The following ALDH9A1 variants were observed in gnomAD, a reference collection of about 807,000 sequenced individuals.
ALDH9A1 encodes the protein 4-trimethylaminobutyraldehyde dehydrogenase.
Under a neutral mutation model 56.6 loss-of-function variants are expected in ALDH9A1, and 42 were observed. That is an observed-to-expected ratio of 0.74 (90% confidence interval 0.58 to 0.96). The LOEUF is 0.96. Ranked by LOEUF, ALDH9A1 falls within the 40% of genes least tolerant of loss-of-function variation. The pLI, the probability that ALDH9A1 is intolerant of heterozygous loss-of-function variation, is 0.00. For synonymous variants in ALDH9A1, 242 were observed against 236.0 expected (o/e 1.03, Z -0.23); for missense variants, 661 against 651.5 (o/e 1.01, Z -0.16).
intron 6 of ALDH9A1, among the ~76,000 whole-genome samples, chr1:165,678,670 A>G (rs924955500): frequency 2.0e-5 from 3 of 152,244 alleles, no homozygotes; most frequent in Non-Finnish European, 2.9e-5. Flanking sequence ...TTAACCACAA[A>G]GTAAAAAACA....
At chr1:165,681,635 T>G (rs1025449601) in intron 4 of ALDH9A1, among the ~76,000 whole-genome samples, 25 of 152,226 alleles carry the variant, frequency 1.6e-4, no homozygotes, top group African/African-American at 6.0e-4. Context: ...AACTATTTTA[T>G]GTCAATCAGC....
chr1:165,696,618 C>T (rs372409443), intron 1 of ALDH9A1, among the ~76,000 whole-genome samples: 1 of 152,134 alleles, frequency 6.6e-6, no homozygotes, highest in East Asian at 1.9e-4. Flanking sequence ...TATTCCCTCT[C>T]CCTATTCTGG....
intron 8 of ALDH9A1, among the ~76,000 whole-genome samples, chr1:165,668,281 C>A (rs761349839): frequency 1.3e-5 from 2 of 152,264 alleles, no homozygotes; most frequent in South Asian, 4.1e-4. Flanking sequence ...GTTTGGGTCA[C>A]GGGGCAAATC....
chr1:165,683,114 T>A lies in ALDH9A1; in HGVS notation c.328-4A>T, dbSNP rs759598521. ...TAGCAATTTCATCCTCCCGTTCCTTTGGGTAAAGCAGAAGACTAGATTTAA... is the reference window on the plus strand; with the variant it reads ...TAGCAATTTCATCCTCCCGTTCCTTAGGGTAAAGCAGAAGACTAGATTTAA... On this transcript the variant is annotated splice_polypyrimidine_tract_variant and splice_region_variant and intron_variant, in intron 2 of 10. Transcript: ENST00000354775. 1 of 1,613,706 alleles carries A rather than the reference T, an allele frequency of 6.2e-7. No individual in the cohort carries two copies. The highest frequency in any genetic ancestry group is 1.1e-5 in the South Asian group (1 of 91,064).
chr1:165,693,885 A>C (rs1242583661), intron 2 of ALDH9A1, among the ~76,000 whole-genome samples: 1 of 152,208 alleles, frequency 6.6e-6, no homozygotes. Flanking sequence ...CTATGCAGCC[A>C]TTAAAAAGGA....
chr1:165,698,340 C>T lies in ALDH9A1; in HGVS notation c.181+38G>A, dbSNP rs1371737983. 5 of 1,564,922 alleles carry T rather than the reference C, an allele frequency of 3.2e-6. No individual in the cohort carries two copies. The African/African-American group carries it at 5.6e-5, about 17-fold the overall frequency. ...TGGCCGGGAAATCCGCGCATCCGGC[C>T]CCAGGGCGCCCCAGCCTCCCCGGCT... On this transcript the variant is annotated intron_variant, in intron 1 of 10. Coordinates refer to ENST00000354775, the MANE Select transcript of ALDH9A1 (RefSeq NM_000696.4).
intron 1 of ALDH9A1, 56 bp downstream of exon 1, chr1:165,698,322 G>A (rs1275124703): frequency 1.9e-6 from 3 of 1,544,250 alleles, no homozygotes; most frequent in Middle Eastern, 1.9e-4. Context: ...GGCTGGCCGG[G>A]AAATCCGCGC....
At chr1:165,688,882 CACTT>C (rs768670055) in intron 2 of ALDH9A1, among the ~76,000 whole-genome samples, 28 of 152,114 alleles carry the variant, frequency 1.8e-4, no homozygotes, top group Non-Finnish European at 3.5e-4. Context: ...GATTAATAAA[CACTT>C]AATAATAAGC....
chr1:165,681,805 A>G (rs12239517), intron 4 of ALDH9A1, among the ~76,000 whole-genome samples: 2,943 of 152,360 alleles, frequency 0.019, 97 homozygotes, highest in African/African-American at 0.068. Flanking sequence ...AAGAGAACTT[A>G]TAAGTAGCAC....
intron 5 of ALDH9A1, among the ~76,000 whole-genome samples, chr1:165,680,192 A>C (rs531666187): frequency 1.0e-3 from 154 of 151,294 alleles, no homozygotes; most frequent in Middle Eastern, 3.4e-3. Context: ...TTAAGTCACT[A>C]AACAATACAA....
chr1:165,695,628 T>C (rs141456574), intron 1 of ALDH9A1, among the ~76,000 whole-genome samples: 2,782 of 150,792 alleles, frequency 0.018, 25 homozygotes, highest in Non-Finnish European at 0.025. Flanking sequence ...CCTGAGTAGC[T>C]GGGACTACCA....
intron 6 of ALDH9A1, among the ~76,000 whole-genome samples, chr1:165,677,776 T>A (rs1180828846): frequency 6.9e-6 from 1 of 145,586 alleles, no homozygotes; most frequent in Non-Finnish European, 1.5e-5. Context: ...AAGAATGGCA[T>A]GAACCCAGGA....
intron 10 of ALDH9A1, among the ~76,000 whole-genome samples, chr1:165,664,447 G>C (rs1395643586): frequency 6.6e-6 from 1 of 152,220 alleles, no homozygotes; most frequent in Non-Finnish European, 1.5e-5. Context: ...GGTAACATAT[G>C]TCTGACTATA....
rs1484010229 is a variant in ALDH9A1 at position 165,662,373 on chromosome 1, G to C, written c.*677C>G. On this transcript the variant is annotated 3_prime_UTR_variant, in exon 11 of 11. Transcript: ENST00000354775. ...ATTTCCTCTATCGCAGTAGTGAACA[G>C]AGACAAAGTGCTTACTAGGCAAGTT... The C allele has an allele frequency of 1.3e-5, 2 of 152,320 alleles. No homozygotes were observed. Among genetic ancestry groups the C allele is most frequent in the African/African-American group, 4.8e-5 (2 of 41,452 alleles). 9.4% of individuals were successfully genotyped at this position (152,320 alleles called of 1,614,324 possible). A position where few individuals can be genotyped will look rare whatever the true frequency, so the allele number is the denominator to read the frequency against.
At chr1:165,692,593 T>C (rs1360328535) in intron 2 of ALDH9A1, among the ~76,000 whole-genome samples, 2 of 152,244 alleles carry the variant, frequency 1.3e-5, no homozygotes, top group Non-Finnish European at 2.9e-5. Context: ...GAACATTCCA[T>C]GCTCATGGAT....
intron 8 of ALDH9A1, among the ~76,000 whole-genome samples, chr1:165,668,034 G>C (rs937538041): frequency 6.6e-6 from 1 of 152,176 alleles, no homozygotes; most frequent in African/African-American, 2.4e-5. Flanking sequence ...AAGTAGGAGG[G>C]AAGTAGATGG....
chr1:165,684,847 T>A (rs544697248), intron 2 of ALDH9A1, among the ~76,000 whole-genome samples: 1 of 151,758 alleles, frequency 6.6e-6, no homozygotes, highest in African/African-American at 2.4e-5. Context: ...TAGAAACTTT[T>A]ACTCTGGAGA....
In ALDH9A1 at chr1:165,662,898, A is replaced by T; in HGVS notation, c.*152T>A. On this transcript the variant is annotated 3_prime_UTR_variant, in exon 11 of 11. Transcript: ENST00000354775. ...ATGCACATTTTCAGTGAGGAAGCTG[A>T]TGGAGAGAGAAAGAGTAACATGAAC... The T allele has an allele frequency of 1.5e-6, 1 of 646,426 alleles. No individual in the cohort carries two copies. Among genetic ancestry groups the T allele is most frequent in the African/African-American group, 1.8e-5 (1 of 55,410 alleles). 40.0% of individuals were successfully genotyped at this position (646,426 alleles called of 1,614,324 possible).
intron 6 of ALDH9A1, among the ~76,000 whole-genome samples, chr1:165,672,770 C>T (rs1393698977): frequency 1.3e-5 from 2 of 151,734 alleles, no homozygotes; most frequent in African/African-American, 2.4e-5. Context: ...AATCTCATCT[C>T]TACAAAAAAT....
Sources: allele counts gnomAD v4.1 joint callset (sites outside exome capture counted in the v4.1 genomes callset), GRCh38; gene constraint gnomAD v4.1.1; transcripts MANE v1.5; gene names NCBI Gene and HGNC (gene_info 2026-07-23, HGNC 2026-07-21).